The following ADGRL2 variants were observed in gnomAD, a reference collection of about 807,000 sequenced individuals.
ADGRL2 encodes adhesion G protein-coupled receptor L2.
Under a neutral mutation model 157.4 loss-of-function variants are expected in ADGRL2, and 44 were observed. That is an observed-to-expected ratio of 0.28 (90% CI 0.22 to 0.36). The LOEUF is 0.36. ADGRL2 is among the 10% of genes least tolerant of loss of function. The probability of loss-of-function intolerance (pLI) is 1.00; values close to 1 mark genes in which losing one functional copy is unlikely to be tolerated. For synonymous variants in ADGRL2, 585 were observed against 624.7 expected, an observed-to-expected ratio of 0.94 and a Z score of 0.95; for missense variants, 1,510 against 1,768.9, an observed-to-expected ratio of 0.85 and a Z score of 2.63.
intron 2 of ADGRL2, among the ~76,000 whole-genome samples, chr1:81,446,362 G>A (rs1420839746): frequency 1.3e-5 from 2 of 152,122 alleles, no homozygotes; most frequent in Non-Finnish European, 2.9e-5. Flanking sequence ...CCTTTCAGGG[G>A]AATGGAGGCA....
At chr1:81,934,342 T>C (rs1010630504) in intron 3 of ADGRL2, among the ~76,000 whole-genome samples, 1 of 152,024 alleles carries the variant, frequency 6.6e-6, no homozygotes, top group African/African-American at 2.4e-5. Flanking sequence ...AGAATGCTTA[T>C]ATACTTCCTG....
chr1:81,427,221 G>C, intron 1 of ADGRL2: 1 of 783,290 alleles, frequency 1.3e-6, no homozygotes, highest in South Asian at 1.3e-5. Flanking sequence ...GGTGGAAGAG[G>C]AGGCTATGCT....
rs2079986307 is a variant in ADGRL2 at position 81,991,085 on chromosome 1, A to G, written c.4350A>G (p.Glu1450=). Residue 1450 remains glutamate, a synonymous_variant, in exon 24 of 24, where the codon GAA becomes GAG. Coordinates refer to ENST00000686636, the MANE Select transcript of ADGRL2 (RefSeq NM_001366006.2). ...GTTATATAATCCCCATTAACAAAGA[A>G]GGGTGTATTCCAGAAGGAGATGTTA... ...SDGYIIPINK[E]GCIPEGDVRE... 2 of 1,613,044 alleles carry G rather than the reference A, an allele frequency of 1.2e-6. No individual in the cohort carries two copies. Among genetic ancestry groups the G allele is most frequent in the Admixed American group, 1.7e-5 (1 of 59,974 alleles).
intron 1 of ADGRL2, among the ~76,000 whole-genome samples, chr1:81,319,398 A>G (rs1660346957): frequency 6.6e-6 from 1 of 152,178 alleles, no homozygotes. Context: ...ATAATCTTAA[A>G]TACAAACCGA....
At chr1:81,344,687 A>T (rs942666595) in intron 1 of ADGRL2, among the ~76,000 whole-genome samples, 3 of 151,596 alleles carry the variant, frequency 2.0e-5, no homozygotes, top group African/African-American at 7.3e-5. Flanking sequence ...AAAAAAAAAA[A>T]AAAGCAGATT....
intron 17 of ADGRL2, among the ~76,000 whole-genome samples, chr1:81,979,346 A>C (rs2149420813): frequency 6.6e-6 from 1 of 151,942 alleles, no homozygotes; most frequent in South Asian, 2.1e-4. Context: ...TATAAACTTT[A>C]TCTTACTTTA....
chr1:81,724,897 G>A (rs2084460620), intron 1 of ADGRL2, among the ~76,000 whole-genome samples: 1 of 152,180 alleles, frequency 6.6e-6, no homozygotes. Flanking sequence ...GATGGAGCAT[G>A]CTTTTAAAAT....
intron 1 of ADGRL2, among the ~76,000 whole-genome samples, chr1:81,328,246 GT>G (rs1351333598): frequency 6.6e-6 from 1 of 152,120 alleles, no homozygotes; most frequent in Non-Finnish European, 1.5e-5. Context: ...TTGTTGGTAT[GT>G]GGCTATAATC....
chr1:81,788,918 G>A (rs2087191530), intron 2 of ADGRL2, among the ~76,000 whole-genome samples: 1 of 152,064 alleles, frequency 6.6e-6, no homozygotes, highest in South Asian at 2.1e-4. Flanking sequence ...AGGTTTCACT[G>A]TGTTAACCAG....
intron 1 of ADGRL2, among the ~76,000 whole-genome samples, chr1:81,322,439 A>T (rs189071375): frequency 4.2e-4 from 64 of 152,260 alleles, no homozygotes; most frequent in Middle Eastern, 6.8e-3. Flanking sequence ...AACATGAAAT[A>T]TACAATTTTA....
At chr1:81,480,064 G>A (rs893353082) in intron 2 of ADGRL2, among the ~76,000 whole-genome samples, 2 of 152,134 alleles carry the variant, frequency 1.3e-5, no homozygotes, top group African/African-American at 4.8e-5. Flanking sequence ...TGATAGAAGA[G>A]GGAGGTCTCA....
chr1:81,865,531 T>A (rs1215090284), intron 2 of ADGRL2, among the ~76,000 whole-genome samples: 1 of 152,244 alleles, frequency 6.6e-6, no homozygotes, highest in Non-Finnish European at 1.5e-5. Flanking sequence ...AAATTGTCTC[T>A]AATTCTTAAT....
intron 2 of ADGRL2, among the ~76,000 whole-genome samples, chr1:81,469,672 C>G (rs2078130710): frequency 6.6e-6 from 1 of 152,156 alleles, no homozygotes; most frequent in Non-Finnish European, 1.5e-5. Context: ...CAATCTTCAT[C>G]CAAGAGCTAA....
At chr1:81,599,263 T>C (rs964548551) in intron 3 of ADGRL2, among the ~76,000 whole-genome samples, 26 of 152,208 alleles carry the variant, frequency 1.7e-4, no homozygotes, top group African/African-American at 6.3e-4. Context: ...CATTTTTCTA[T>C]GTGTAGTGAG....
chr1:81,867,614 T>G (rs1215134942), intron 2 of ADGRL2, among the ~76,000 whole-genome samples: 1 of 152,200 alleles, frequency 6.6e-6, no homozygotes, highest in Non-Finnish European at 1.5e-5. Context: ...TCTACAAACA[T>G]CAGATTTTTA....
intron 11 of ADGRL2, among the ~76,000 whole-genome samples, chr1:81,960,828 A>C (rs1396144800): frequency 2.6e-5 from 4 of 152,228 alleles, no homozygotes; most frequent in Non-Finnish European, 4.4e-5. Context: ...ATCACTTTAG[A>C]CTTAGACTGT....
chr1:81,786,348 C>G (rs868710461), intron 2 of ADGRL2, among the ~76,000 whole-genome samples: 1 of 152,128 alleles, frequency 6.6e-6, no homozygotes, highest in Non-Finnish European at 1.5e-5. Flanking sequence ...GAGGCTGACA[C>G]GGGTGGATCA....
intron 3 of ADGRL2, among the ~76,000 whole-genome samples, chr1:81,639,734 G>A (rs1294814147): frequency 6.6e-6 from 1 of 151,972 alleles, no homozygotes; most frequent in African/African-American, 2.4e-5. Flanking sequence ...TAACATATAT[G>A]CACCTAACAA....
chr1:81,907,615 T>TA (rs991251082), intron 3 of ADGRL2, among the ~76,000 whole-genome samples: 3 of 151,964 alleles, frequency 2.0e-5, no homozygotes, highest in African/African-American at 4.8e-5. Flanking sequence ...TTTTTTTTTT[T>TA]AAATTAATAA....
Sources: allele counts gnomAD v4.1 joint callset (sites outside exome capture counted in the v4.1 genomes callset), GRCh38; gene constraint gnomAD v4.1.1; transcripts MANE v1.5; gene names NCBI Gene and HGNC (gene_info 2026-07-23, HGNC 2026-07-21).